The following ACOX2 variants were observed in gnomAD, a reference collection of about 807,000 sequenced individuals.
The protein encoded by ACOX2 is acyl-CoA oxidase 2.
Under a neutral mutation model 77.5 loss-of-function variants are expected in ACOX2, and 59 were observed. That is an observed-to-expected ratio of 0.76 (90% CI 0.62 to 0.95). The LOEUF (loss-of-function observed/expected upper bound fraction) is 0.95. ACOX2 is among the 40% of genes least tolerant of loss of function. ACOX2 has a pLI of 0.00. For missense variants in ACOX2, 837 were observed against 880.4 expected (o/e 0.95, Z 0.62); for synonymous variants, 317 against 340.1 (o/e 0.93, Z 0.75).
chr3:58,516,620 T>C (rs1054904174), intron 13 of ACOX2, among the ~76,000 whole-genome samples: 1 of 152,096 alleles, frequency 6.6e-6, no homozygotes, highest in African/African-American at 2.4e-5. Context: ...GGTGGATCAC[T>C]TGAGGTCAGG....
Position 58,526,899 on chromosome 3 carries a change from A to T in ACOX2, c.1156-243T>A, listed in dbSNP as rs2063399648. ...GAGTGAAGGAAAACCTGGCCTGGCC[A>T]GTGTCTCCAGGATTGGGAAGAGGGT... On this transcript the variant is annotated intron_variant, in intron 9 of 14. Transcript: ENST00000302819. This position sits in a 1 kb window ranked among gnomAD's most constrained non-coding sequence, Gnocchi z 4.3. 1 of 477,580 alleles carries T rather than the reference A, an allele frequency of 2.1e-6. No individual in the cohort carries two copies. Among genetic ancestry groups the T allele is most frequent in the Non-Finnish European group, 3.7e-6 (1 of 269,306 alleles). The allele number at this position is 477,580 out of a possible 1,614,324, so 29.6% of individuals were successfully genotyped here.
At position 58,524,320 on chromosome 3, in the gene ACOX2, T is replaced by A. The variant is rs2063379396; in HGVS notation, c.1526+106A>T. ...ACCGGGGAGGCTAGGCATGGGGTGG[T>A]TTTTAGAACTGAATCCACGAATGTC... On this transcript the variant is annotated intron_variant, in intron 11 of 14. Transcript: ENST00000302819. The surrounding 1 kb of genome is among the most constrained non-coding windows in gnomAD (Gnocchi z 5.5). 7.0e-7 allele frequency: 1 copy of A among 1,428,898 alleles called. No homozygotes were observed. The allele number at this position is 1,428,898 out of a possible 1,614,324, so 88.5% of individuals were successfully genotyped here. A position where few individuals can be genotyped will look rare whatever the true frequency, so the allele number is the denominator to read the frequency against.
chr3:58,518,876 G>C (rs940831919), intron 12 of ACOX2, among the ~76,000 whole-genome samples: 1 of 150,860 alleles, frequency 6.6e-6, no homozygotes, highest in African/African-American at 2.4e-5. Flanking sequence ...CTGAGCTCAA[G>C]TGATCCTCCT....
rs1263204009 is a variant in ACOX2 at position 58,531,169 on chromosome 3, T to A, written c.819+82A>T. ...GTTATGTGGCCCAAACTAAGCTCTA[T>A]GGAGGACCCAGGCCCAGCCTGCACA... On this transcript the variant is annotated intron_variant, in intron 7 of 14. Coordinates refer to ENST00000302819, the MANE Select transcript of ACOX2 (RefSeq NM_003500.4). The surrounding 1 kb of genome is among the most constrained non-coding windows in gnomAD (Gnocchi z 5.8). The A allele has an allele frequency of 7.7e-7, 1 of 1,292,260 alleles. No homozygotes were observed. The highest frequency in any genetic ancestry group is 1.1e-6 in the Non-Finnish European group (1 of 917,928). 80.0% of individuals were successfully genotyped at this position (1,292,260 alleles called of 1,614,324 possible). A position where few individuals can be genotyped will look rare whatever the true frequency, so the allele number is the denominator to read the frequency against.
At chr3:58,518,075 C>CAAAAAAAAAAAAAAAAAAAAA in intron 12 of ACOX2, among the ~76,000 whole-genome samples, 1 of 47,678 alleles carries the variant, frequency 2.1e-5, no homozygotes. Flanking sequence ...AACTCCATCT[C>CAAAAAAAAAAAAAAAAAAAAA]AAAAAAAAAA....
intron 13 of ACOX2, among the ~76,000 whole-genome samples, chr3:58,510,699 TATATATATATACACACACACACACAC>T (rs1362617512): frequency 0.024 from 143 of 5,838 alleles, 9 homozygotes; most frequent in Non-Finnish European, 0.031. Flanking sequence ...TATATATATA[TATATATATATACACACACACACACAC>T]ACACACACAC....
rs1279916247 is a variant in ACOX2 at position 58,521,501 on chromosome 3, TG to T, written c.1632+994del. 2.6e-5 allele frequency among the ~76,000 whole-genome samples: 4 copies of T among 152,178 alleles called. No individual in the cohort carries two copies. Among genetic ancestry groups the T allele is most frequent in the African/African-American group, 9.7e-5 (4 of 41,448 alleles). ...CTGCCTTCTTCCCCCTTAGCATCTC[TG>T]ATCTACCCACTTGTCTCCAGGCCTT... On this transcript the variant is annotated intron_variant, in intron 12 of 14. Coordinates refer to ENST00000302819, the MANE Select transcript of ACOX2 (RefSeq NM_003500.4). This position sits in a 1 kb window ranked among gnomAD's most constrained non-coding sequence, Gnocchi z 4.8.
chr3:58,533,441 TCA>T lies in ACOX2; in HGVS notation c.583+2_583+3del. 3.7e-6 allele frequency: 6 copies of T among 1,613,092 alleles called. No homozygotes were observed. Among genetic ancestry groups the T allele is most frequent in the Non-Finnish European group, 5.1e-6 (6 of 1,179,270 alleles). On this transcript the variant is annotated splice_donor_variant and splice_donor_region_variant and intron_variant, in intron 5 of 14. Coordinates refer to ENST00000302819, the MANE Select transcript of ACOX2 (RefSeq NM_003500.4). LOFTEE classifies it high-confidence loss of function. This position sits in a 1 kb window ranked among gnomAD's most constrained non-coding sequence, Gnocchi z 5.6. ...TTAAGGAAGGGGGGTGGATGTATAC[TCA>T]CAGTCTCCAGGCCACCATTTGGTGG...
chr3:58,531,942 G>C lies in ACOX2; in HGVS notation c.584-130C>G. On this transcript the variant is annotated intron_variant, in intron 5 of 14. Coordinates refer to ENST00000302819, the MANE Select transcript of ACOX2 (RefSeq NM_003500.4). The surrounding 1 kb of genome is among the most constrained non-coding windows in gnomAD (Gnocchi z 5.8). ...GCCCTGAAAAGTCACTGATCAAAGA[G>C]AGAGGGGATTGCCCCCAAAGAACCA... 1 of 1,342,560 alleles carries C rather than the reference G, an allele frequency of 7.4e-7. No homozygotes were observed. Among genetic ancestry groups the C allele is most frequent in the Non-Finnish European group, 9.8e-7 (1 of 1,023,982 alleles). 83.2% of individuals were successfully genotyped at this position (1,342,560 alleles called of 1,614,324 possible).
In ACOX2 at chr3:58,532,558, G is replaced by A. The variant is rs187882842; in HGVS notation, c.584-746C>T. On this transcript the variant is annotated intron_variant, in intron 5 of 14. Transcript: ENST00000302819. ...CCGCCACCACACACGACTAATTTTT[G>A]TATTTTTAGTAGAGATGAGGTTTAA... is the stretch of plus-strand genomic sequence containing the variant. Among the ~76,000 whole-genome samples the A allele has an allele frequency of 8.6e-4, 131 of 152,102 alleles. 1 individual carries two copies. Among genetic ancestry groups the A allele is most frequent in the Middle Eastern group, 6.8e-3 (2 of 294 alleles).
rs1040908973 is a variant in ACOX2, at chr3:58,523,987, A to G, written c.1526+439T>C. ...GGAGCCTACTAGACCCTGGAAATAA[A>G]TGAATTCTATCCCGTGGTGTAGTCA... On this transcript the variant is annotated intron_variant, in intron 11 of 14. Transcript: ENST00000302819. This position sits in a 1 kb window ranked among gnomAD's most constrained non-coding sequence, Gnocchi z 5.3. Among the ~76,000 whole-genome samples the G allele has an allele frequency of 2.6e-5, 4 of 152,220 alleles. No homozygotes were observed. Among genetic ancestry groups the G allele is most frequent in the Admixed American group, 2.0e-4 (3 of 15,276 alleles).
chr3:58,527,358 A>G lies in ACOX2; in HGVS notation c.1156-702T>C, dbSNP rs185733592. ...CGAGGCCATCCTGGCCAACATAGTG[A>G]AACCCCGTCTCTACTAAAAATACAA... On this transcript the variant is annotated intron_variant, in intron 9 of 14. Coordinates refer to ENST00000302819, the MANE Select transcript of ACOX2 (RefSeq NM_003500.4). Among the ~76,000 whole-genome samples the G allele has an allele frequency of 4.2e-3, 639 of 152,112 alleles. 22 individuals carry two copies. The East Asian group carries it at 0.072, about 17-fold the overall frequency.
At chr3:58,532,915 G>T (rs565360992) in intron 5 of ACOX2, among the ~76,000 whole-genome samples, 2 of 152,192 alleles carry the variant, frequency 1.3e-5, no homozygotes, top group Admixed American at 6.5e-5. Flanking sequence ...CCTCAGGGAC[G>T]CTTGATGTGG....
intron 13 of ACOX2, among the ~76,000 whole-genome samples, chr3:58,510,693 TATATATATATATATATAC>T (rs2063277827): frequency 2.8e-4 from 5 of 17,728 alleles, no homozygotes; most frequent in Admixed American, 1.1e-3. Context: ...TATATATATA[TATATATATATATATATAC>T]ACACACACAC....
chr3:58,530,409 C>A (rs2063428774), intron 8 of ACOX2, 57 bp downstream of exon 8: 2 of 1,578,254 alleles, frequency 1.3e-6, no homozygotes, highest in African/African-American at 1.3e-5. Context: ...CAGGGGGAGG[C>A]ACTGTGGGAC....
In ACOX2 at chr3:58,526,060, G is replaced by A. The variant is rs561006549; in HGVS notation, c.1346+406C>T. Reference sequence around the variant, plus strand: ...GAAGTGAGCAGAGGCAGGAGGTGGTGAGAGCAGGATGGACGGGGAGGCAGG... The same window carrying A: ...GAAGTGAGCAGAGGCAGGAGGTGGTAAGAGCAGGATGGACGGGGAGGCAGG... On this transcript the variant is annotated intron_variant, in intron 10 of 14. Transcript: ENST00000302819. This position sits in a 1 kb window ranked among gnomAD's most constrained non-coding sequence, Gnocchi z 4.3. 1.1e-4 allele frequency among the ~76,000 whole-genome samples: 16 copies of A among 152,072 alleles called. No individual in the cohort carries two copies. Among genetic ancestry groups the A allele is most frequent in the Non-Finnish European group, 2.2e-4 (15 of 68,000 alleles).
rs369617663 is a variant in ACOX2, at chr3:58,532,687, T to C, written c.583+758A>G. Among the ~76,000 whole-genome samples the C allele has an allele frequency of 1.5e-3, 234 of 152,240 alleles. 2 individuals carry two copies. Among genetic ancestry groups the C allele is most frequent in the African/African-American group, 5.0e-3 (209 of 41,564 alleles). On this transcript the variant is annotated intron_variant, in intron 5 of 14. Coordinates refer to ENST00000302819, the MANE Select transcript of ACOX2 (RefSeq NM_003500.4). The stretch of plus-strand genomic sequence containing the variant: ...GGCATGAGCCACCGCACCCGGCTCA[T>C]GTCTCTCTCTTATGTCTCTGGTCTC...
intron 13 of ACOX2, among the ~76,000 whole-genome samples, chr3:58,510,036 T>G (rs907226550): frequency 6.6e-6 from 1 of 152,178 alleles, no homozygotes; most frequent in Admixed American, 6.5e-5. Flanking sequence ...GGTAAAGATT[T>G]ATATTTATCA....
In ACOX2 at chr3:58,523,118, C is replaced by T. The variant is rs896937027; in HGVS notation, c.1527-517G>A. ...AAACCAACCTTTGTCCTGCAAACCA[C>T]TAAATTAGTCATTAAATAACCTTTA... On this transcript the variant is annotated intron_variant, in intron 11 of 14. Coordinates refer to ENST00000302819, the MANE Select transcript of ACOX2 (RefSeq NM_003500.4). This position sits in a 1 kb window ranked among gnomAD's most constrained non-coding sequence, Gnocchi z 5.3. 2 of 154,598 alleles carry T rather than the reference C, an allele frequency of 1.3e-5. No individual in the cohort carries two copies. Among genetic ancestry groups the T allele is most frequent in the Admixed American group, 6.3e-5 (1 of 15,814 alleles). 9.6% of individuals were successfully genotyped at this position (154,598 alleles called of 1,614,324 possible).
Sources: gnomAD v4.1 joint callset for allele counts (sites outside exome capture counted in the v4.1 genomes callset) on GRCh38, gnomAD v4.1.1 for gene constraint, Gnocchi (gnomAD v3.1) non-coding constraint, MANE v1.5 for transcripts, NCBI Gene and HGNC (gene_info 2026-07-23, HGNC 2026-07-21) for gene names.